The following FYB2 variants were observed in gnomAD, a reference collection of about 807,000 sequenced individuals.
FYB2 encodes FYN-binding protein 2.
Under a neutral mutation model 94.1 loss-of-function variants are expected in FYB2, and 103 were observed. That is an observed-to-expected ratio of 1.09 (90% CI 0.93 to 1.29). FYB2 has a LOEUF of 1.29. Among genes scored for constraint, FYB2 ranks in the 50% most tolerant of loss-of-function variants. FYB2 has a pLI of 0.00. For missense variants in FYB2, 896 were observed against 841.5 expected, an observed-to-expected ratio of 1.06 and a Z score of -0.80; for synonymous variants, 293 against 287.9, an observed-to-expected ratio of 1.02 and a Z score of -0.18.
the FYB2 span, among the ~76,000 whole-genome samples, chr1:56,825,647 G>A: frequency 2.0e-5 from 3 of 152,228 alleles, no homozygotes; most frequent in Admixed American, 2.0e-4. Flanking sequence ...GAAAAAAATA[G>A]GGAATACAAT....
In FYB2 at chr1:56,719,549, A is replaced by C; in HGVS notation, c.*122T>G. ...TTTTCTCTTTTAAGTTCAGAACGAA[A>C]GTTTCCACAGATTCCACCATCTCAA... On this transcript the variant is annotated 3_prime_UTR_variant, in exon 20 of 20. Coordinates refer to ENST00000343433, the MANE Select transcript of FYB2 (RefSeq NM_001004303.5). 1 of 836,748 alleles carries C rather than the reference A, an allele frequency of 1.2e-6. No individual in the cohort carries two copies. Among genetic ancestry groups the C allele is most frequent in the Non-Finnish European group, 1.8e-6 (1 of 548,482 alleles). 51.8% of individuals were successfully genotyped at this position (836,748 alleles called of 1,614,324 possible).
intron 15 of FYB2, 84 bp from the exon 16 acceptor site, chr1:56,726,667 T>G: frequency 8.7e-7 from 1 of 1,145,170 alleles, no homozygotes; most frequent in South Asian, 1.5e-5. Context: ...GGCAATTATG[T>G]TTTACAAAAA....
rs376596404 is a variant in FYB2 at position 56,737,098 on chromosome 1, T to C, written c.1782A>G (p.Glu594=). 3.7e-6 allele frequency: 6 copies of C among 1,605,456 alleles called. No individual in the cohort carries two copies. Among genetic ancestry groups the C allele is most frequent in the Non-Finnish European group, 5.1e-6 (6 of 1,174,412 alleles). ...VIIYDDVDLS[E]KESKDEDKLK... ...GGTAAATTACTTACTTTGACTCTTTTTCACTCAGGTCTACATCATCATAAA... is the reference window on the plus strand; with the variant it reads ...GGTAAATTACTTACTTTGACTCTTTCTCACTCAGGTCTACATCATCATAAA... The change falls in exon 15 of 20, where the codon GAA becomes GAG. Residue 594 remains glutamate, a synonymous_variant. Transcript: ENST00000343433.
rs1475611714 is a variant in FYB2, at chr1:56,787,222, A to G, written c.920-14T>C. On this transcript the variant is annotated splice_polypyrimidine_tract_variant and intron_variant, in intron 3 of 19. Transcript: ENST00000343433. ...CTTCCACAGTCACTGCAAGAGAAAGAGGCGGAATGAAAAAGAGGCATTTGC... is the reference window on the plus strand; with the variant it reads ...CTTCCACAGTCACTGCAAGAGAAAGGGGCGGAATGAAAAAGAGGCATTTGC... The G allele has an allele frequency of 6.2e-7, 1 of 1,613,738 alleles. No individual in the cohort carries two copies. Among genetic ancestry groups the G allele is most frequent in the African/African-American group, 1.3e-5 (1 of 74,896 alleles).
chr1:56,798,363 A>G (rs1436077871), intron 1 of FYB2, among the ~76,000 whole-genome samples: 1 of 152,226 alleles, frequency 6.6e-6, no homozygotes, highest in Non-Finnish European at 1.5e-5. Flanking sequence ...TTCGAGAGAT[A>G]TTGTGGGAAC....
At chr1:56,797,944 C>T (rs188292683) in intron 1 of FYB2, among the ~76,000 whole-genome samples, 47 of 152,152 alleles carry the variant, frequency 3.1e-4, no homozygotes, top group African/African-American at 9.2e-4. Flanking sequence ...TCAGTATTTG[C>T]CCACTGCTGT....
At chr1:56,814,083 G>C (rs1646826487) in intron 1 of FYB2, among the ~76,000 whole-genome samples, 1 of 152,178 alleles carries the variant, frequency 6.6e-6, no homozygotes, top group South Asian at 2.1e-4. Flanking sequence ...GGGTAGGGAA[G>C]GTTTCTCAAG....
rs1235074752 is a variant in FYB2 at position 56,777,026 on chromosome 1, G to A, written c.954-9088C>T. The stretch of plus-strand genomic sequence containing the variant: ...AGGCGGGCGGATCACGAGGTCAGGA[G>A]ATCGAGACCATCCCGGCTAAAACGG... On this transcript the variant is annotated intron_variant, in intron 4 of 19. Coordinates refer to ENST00000343433, the MANE Select transcript of FYB2 (RefSeq NM_001004303.5). Among the ~76,000 whole-genome samples the A allele has an allele frequency of 2.0e-4, 2 of 9,878 alleles. 1 individual carries two copies. The highest frequency in any genetic ancestry group is 3.0e-4 in the Non-Finnish European group (2 of 6,746). The allele number at this position is 9,878 out of a possible 152,430, so 6.5% of individuals were successfully genotyped here. A position where few individuals can be genotyped will look rare whatever the true frequency, so the allele number is the denominator to read the frequency against.
Position 56,718,922 on chromosome 1 carries a change from CTAT to C in FYB2, c.*746_*748del, listed in dbSNP as rs759161977. 3.9e-5 allele frequency: 6 copies of C among 152,408 alleles called. No homozygotes were observed. The highest frequency in any genetic ancestry group is 8.8e-5 in the Non-Finnish European group (6 of 67,966). The allele number at this position is 152,408 out of a possible 1,614,324, so 9.4% of individuals were successfully genotyped here. A position where few individuals can be genotyped will look rare whatever the true frequency, so the allele number is the denominator to read the frequency against. On this transcript the variant is annotated 3_prime_UTR_variant, in exon 20 of 20. Transcript: ENST00000343433. Reference sequence around the variant, plus strand: ...ATATAAATGAAAGTACATATGAATGCTATTATTTGAATAGTTATTTGGGCATAG... The same window carrying C: ...ATATAAATGAAAGTACATATGAATGCTATTTGAATAGTTATTTGGGCATAG...
chr1:56,793,571 A>C (rs1207870180), intron 1 of FYB2, among the ~76,000 whole-genome samples: 1 of 152,142 alleles, frequency 6.6e-6, no homozygotes, highest in Non-Finnish European at 1.5e-5. Context: ...ACTGGAGACT[A>C]TGAGAGGGGT....
At chr1:56,778,243 C>A (rs1213183436) in intron 4 of FYB2, among the ~76,000 whole-genome samples, 1 of 152,224 alleles carries the variant, frequency 6.6e-6, no homozygotes, top group Admixed American at 6.5e-5. Context: ...CTTTCCCAAA[C>A]AGCCCTCCTT....
intron 1 of FYB2, among the ~76,000 whole-genome samples, chr1:56,812,519 AATT>A (rs1471575058): frequency 2.0e-5 from 3 of 152,198 alleles, no homozygotes; most frequent in Non-Finnish European, 4.4e-5. Flanking sequence ...AAAATTGCTT[AATT>A]ATTATTTCTG....
chr1:56,737,033 A>T (rs907496738), intron 15 of FYB2, 54 bp downstream of exon 15: 16 of 1,313,304 alleles, frequency 1.2e-5, no homozygotes, highest in Non-Finnish European at 1.7e-5. Flanking sequence ...TTAAGAAAGC[A>T]TCAGGAAATG....
At position 56,719,530 on chromosome 1, in the gene FYB2, C is replaced by A. The variant is rs1569825685; in HGVS notation, c.*141G>T. The A allele has an allele frequency of 8.7e-6, 6 of 687,040 alleles. No homozygotes were observed. In the East Asian group the frequency reaches 1.4e-4, roughly 16 times the overall value. The allele number at this position is 687,040 out of a possible 1,614,324, so 42.6% of individuals were successfully genotyped here. ...GTTGAGGATTTGTTTTTATTTTTCT[C>A]TTTTAAGTTCAGAACGAAAGTTTCC... On this transcript the variant is annotated 3_prime_UTR_variant, in exon 20 of 20. Coordinates refer to ENST00000343433, the MANE Select transcript of FYB2 (RefSeq NM_001004303.5).
chr1:56,818,820 G>A (rs868735214), intron 1 of FYB2, among the ~76,000 whole-genome samples: 1 of 152,028 alleles, frequency 6.6e-6, no homozygotes, highest in East Asian at 1.9e-4. Flanking sequence ...AGCAGAACCC[G>A]GTCTAGAGCC....
intron 15 of FYB2, among the ~76,000 whole-genome samples, chr1:56,733,661 T>C (rs1163563144): frequency 3.3e-5 from 5 of 152,166 alleles, no homozygotes; most frequent in Admixed American, 3.3e-4. Context: ...TCAAAGAACA[T>C]CTTTATTTAC....
chr1:56,770,590 T>A (rs1645730360), intron 4 of FYB2, among the ~76,000 whole-genome samples: 1 of 152,176 alleles, frequency 6.6e-6, no homozygotes, highest in African/African-American at 2.4e-5. Flanking sequence ...TTCCGAGACC[T>A]CAAGGATGGC....
At chr1:56,795,208 T>A (rs193155576) in intron 1 of FYB2, among the ~76,000 whole-genome samples, 1 of 152,148 alleles carries the variant, frequency 6.6e-6, no homozygotes, top group African/African-American at 2.4e-5. Flanking sequence ...TTCTAGGTAC[T>A]GTATAAGAGG....
intron 4 of FYB2, among the ~76,000 whole-genome samples, chr1:56,768,817 A>G (rs1391891126): frequency 6.6e-6 from 1 of 152,202 alleles, no homozygotes. Flanking sequence ...ATGAACGTTA[A>G]TTTAAAATAC....
Sources: gnomAD v4.1 joint callset for allele counts (sites outside exome capture counted in the v4.1 genomes callset) on GRCh38, gnomAD v4.1.1 for gene constraint, MANE v1.5 for transcripts, NCBI Gene and HGNC (gene_info 2026-07-23, HGNC 2026-07-21) for gene names.